GALNT14: variants seen among roughly 807,000 people sequenced by gnomAD.
GALNT14 encodes UDP-GalNAc:polypeptide N-acetylgalactosaminyltransferase 14.
GALNT14 carries 60 observed loss-of-function variants against 77.5 expected under a neutral mutation model. The ratio of observed to expected loss-of-function variants is 0.77; its 90% CI spans 0.63 to 0.96. The LOEUF is 0.96. Among genes scored for constraint, GALNT14 ranks in the 40% least tolerant of loss-of-function variants. The pLI is 0.00. For synonymous variants in GALNT14, 280 were observed against 281.7 expected, an observed-to-expected ratio of 0.99 and a Z score of 0.06; for missense variants, 710 against 731.0, an observed-to-expected ratio of 0.97 and a Z score of 0.33.
At chr2:30,928,984 G>C (rs1665556333) in intron 11 of GALNT14, among the ~76,000 whole-genome samples, 1 of 152,166 alleles carries the variant, frequency 6.6e-6, no homozygotes, top group Admixed American at 6.5e-5. Context: ...CACTGCTGTA[G>C]AGGACACATC....
At chr2:30,963,784 C>A (rs544548691) in intron 3 of GALNT14, among the ~76,000 whole-genome samples, 1 of 152,286 alleles carries the variant, frequency 6.6e-6, no homozygotes, top group South Asian at 2.1e-4. Flanking sequence ...AGTGTGGTAC[C>A]CTTTTAAGTA....
At chr2:31,084,935 G>A (rs1676345937) in intron 1 of GALNT14, among the ~76,000 whole-genome samples, 1 of 151,962 alleles carries the variant, frequency 6.6e-6, no homozygotes. Context: ...TGAGGCAGGA[G>A]AATTACTTGA....
intron 1 of GALNT14, among the ~76,000 whole-genome samples, chr2:31,087,536 A>AGAGGAGAGGAGAGGAGAGGAG (rs1160670621): frequency 6.6e-6 from 1 of 150,406 alleles, no homozygotes; most frequent in Non-Finnish European, 1.5e-5. Flanking sequence ...CGAGGAGAGG[A>AGAGGAGAGGAGAGGAGAGGAG]AGACCTCTAG....
intron 6 of GALNT14, among the ~76,000 whole-genome samples, chr2:30,952,475 T>C (rs987252759): frequency 7.3e-5 from 11 of 150,552 alleles, no homozygotes; most frequent in Admixed American, 2.0e-4. Context: ...ATGGATGAAA[T>C]TGGAAATCAT....
chr2:31,036,091 GCT>G (rs1194637081), intron 1 of GALNT14, among the ~76,000 whole-genome samples: 1 of 152,056 alleles, frequency 6.6e-6, no homozygotes, highest in Non-Finnish European at 1.5e-5. Context: ...ATTTTGCCAC[GCT>G]CTGTTTTTTG....
chr2:31,136,359 A>T (rs1327900831), intron 1 of GALNT14, among the ~76,000 whole-genome samples: 4 of 151,726 alleles, frequency 2.6e-5, no homozygotes, highest in African/African-American at 9.7e-5. Context: ...CATGCAGTTA[A>T]CCTCTACCTG....
intron 1 of GALNT14, among the ~76,000 whole-genome samples, chr2:31,104,463 T>A (rs80305260): frequency 1.3e-5 from 2 of 152,164 alleles, no homozygotes; most frequent in Admixed American, 1.3e-4. Flanking sequence ...ACAGCACTCC[T>A]TGTCAAAAAA....
chr2:31,114,700 A>G, intron 1 of GALNT14: 1 of 713,256 alleles, frequency 1.4e-6, no homozygotes. Context: ...AGGAACAAAT[A>G]CAAAAGAGAC....
intron 1 of GALNT14, among the ~76,000 whole-genome samples, chr2:31,102,170 A>G (rs1330226239): frequency 1.2e-5 from 1 of 85,542 alleles, no homozygotes; most frequent in African/African-American, 1.1e-4. Context: ...CTAACTCATT[A>G]ATCTCTTTTA....
At chr2:30,905,224 G>A in the GALNT14 span, among the ~76,000 whole-genome samples, 4 of 152,164 alleles carry the variant, frequency 2.6e-5, no homozygotes, top group African/African-American at 4.8e-5. Context: ...TGACTTTGAC[G>A]AGCTGAGAGA....
intron 1 of GALNT14, among the ~76,000 whole-genome samples, chr2:31,088,393 A>G (rs147770871): frequency 4.6e-5 from 7 of 152,260 alleles, no homozygotes; most frequent in African/African-American, 1.4e-4. Context: ...AGTTTGGCCA[A>G]TGGGATGTGC....
chr2:30,924,319 C>T, intron 12 of GALNT14, 56 bp from the exon 13 acceptor site: 1 of 1,581,564 alleles, frequency 6.3e-7, no homozygotes, highest in Non-Finnish European at 8.7e-7. Flanking sequence ...ATTAGCAAGA[C>T]TACCAGCTGG....
chr2:31,035,717 G>A (rs183390442), intron 1 of GALNT14, among the ~76,000 whole-genome samples: 3 of 151,536 alleles, frequency 2.0e-5, no homozygotes, highest in Non-Finnish European at 4.4e-5. Flanking sequence ...AGGAACATGG[G>A]TGGAGCCAGA....
intron 1 of GALNT14, among the ~76,000 whole-genome samples, chr2:30,997,259 A>C (rs1295945530): frequency 6.6e-6 from 1 of 152,152 alleles, no homozygotes; most frequent in African/African-American, 2.4e-5. Flanking sequence ...ATGAGTCCCC[A>C]CATCCAGCTT....
intron 1 of GALNT14, among the ~76,000 whole-genome samples, chr2:31,105,247 C>T (rs915687761): frequency 6.6e-6 from 1 of 152,134 alleles, no homozygotes; most frequent in East Asian, 1.9e-4. Context: ...TACTTTGATG[C>T]TCATATTGTT....
chr2:30,923,993 C>T, intron 13 of GALNT14, 126 bp downstream of exon 13: 1 of 1,054,312 alleles, frequency 9.5e-7, no homozygotes, highest in Non-Finnish European at 1.4e-6. Flanking sequence ...TCTCATGCTC[C>T]ACTACCGATC....
chr2:30,955,345 C>T (rs975354546), intron 6 of GALNT14, among the ~76,000 whole-genome samples: 1 of 152,208 alleles, frequency 6.6e-6, no homozygotes, highest in African/African-American at 2.4e-5. Flanking sequence ...CAGGAAACTG[C>T]ATATGTTATA....
intron 1 of GALNT14, among the ~76,000 whole-genome samples, chr2:31,024,536 T>C (rs1489379065): frequency 6.6e-6 from 1 of 152,160 alleles, no homozygotes; most frequent in East Asian, 1.9e-4. Context: ...CTGGAATGCA[T>C]TAGATTCTGC....
chr2:31,009,633 G>A (rs1670895243), intron 1 of GALNT14, among the ~76,000 whole-genome samples: 1 of 152,116 alleles, frequency 6.6e-6, no homozygotes, highest in Non-Finnish European at 1.5e-5. Flanking sequence ...GGTCTCACAA[G>A]CATCTCACCT....
Sources: gnomAD v4.1 joint callset for allele counts (sites outside exome capture counted in the v4.1 genomes callset) on GRCh38, gnomAD v4.1.1 for gene constraint, MANE v1.5 for transcripts, NCBI Gene and HGNC (gene_info 2026-07-23, HGNC 2026-07-21) for gene names.